Variants in DYRK3 observed in about 807,000 individuals in gnomAD.
DYRK3 encodes the protein dual specificity tyrosine-phosphorylation-regulated kinase 3.
In DYRK3, 30 loss-of-function variants were observed where a neutral mutation model predicts 40.8. The observed-to-expected ratio is 0.74, with a 90% CI of 0.55 to 1.00. The LOEUF (loss-of-function observed/expected upper bound fraction) is 1.00. DYRK3 is among the 50% of genes least tolerant of loss of function. DYRK3 has a pLI of 0.00. For synonymous variants in DYRK3, 272 were observed against 260.7 expected, an observed-to-expected ratio of 1.04 and a Z score of -0.42; for missense variants, 699 against 731.5, an observed-to-expected ratio of 0.96 and a Z score of 0.51.
rs782388724 is a variant in DYRK3, at chr1:206,648,727, G to A, written c.1529G>A (p.Arg510His). 5 of 1,613,918 alleles carry A rather than the reference G, an allele frequency of 3.1e-6. No individual in the cohort carries two copies. Among genetic ancestry groups the A allele is most frequent in the Non-Finnish European group, 3.4e-6 (4 of 1,179,900 alleles). The change falls in exon 3 of 3, where the codon CGC becomes CAC. Residue 510 changes from arginine to histidine, a missense_variant. Transcript: ENST00000367109. Reference sequence around the variant, plus strand: ...TGTCTTCACTGGGACCCCTCTGCCCGCTTGACCCCAGCTCAAGCATTAAGA... The same window carrying A: ...TGTCTTCACTGGGACCCCTCTGCCCACTTGACCCCAGCTCAAGCATTAAGA... Reference protein sequence around the residue: ...KRCLHWDPSARLTPAQALRHP... With the variant: ...KRCLHWDPSAHLTPAQALRHP...
intron 2 of DYRK3, among the ~76,000 whole-genome samples, chr1:206,642,698 G>C (rs1261557019): frequency 6.6e-6 from 1 of 152,040 alleles, no homozygotes; most frequent in African/African-American, 2.4e-5. Flanking sequence ...AACACCACAT[G>C]TTCTCACTCA....
rs1671682127 is a variant in DYRK3 at position 206,653,473 on chromosome 1, G to A, written c.*4508G>A. ...TTAGATTAGAAAGTAAGCTTCAAAT[G>A]GGAGTGTGTCTTCATATTGTTCTGA... On this transcript the variant is annotated 3_prime_UTR_variant, in exon 3 of 3. Coordinates refer to ENST00000367109, the MANE Select transcript of DYRK3 (RefSeq NM_003582.4). 6.6e-6 allele frequency among the ~76,000 whole-genome samples: 1 copy of A among 152,180 alleles called. No homozygotes were observed. The highest frequency in any genetic ancestry group is 2.4e-5 in the African/African-American group (1 of 41,434).
chr1:206,640,226 A>G (rs1671247449), intron 2 of DYRK3, among the ~76,000 whole-genome samples: 1 of 151,862 alleles, frequency 6.6e-6, no homozygotes. Flanking sequence ...GTGAGCCACC[A>G]CGCCTGGCTG....
intron 1 of DYRK3, 121 bp downstream of exon 1, chr1:206,635,901 G>A (rs1051037910): frequency 8.5e-6 from 11 of 1,290,430 alleles, no homozygotes; most frequent in Non-Finnish European, 1.1e-5. Flanking sequence ...GAGGGCAGGG[G>A]TCTGACTGCC....
chr1:206,635,932 T>C, intron 1 of DYRK3, 152 bp downstream of exon 1: 2 of 1,314,038 alleles, frequency 1.5e-6, no homozygotes, highest in Non-Finnish European at 1.9e-6. Flanking sequence ...CGCCCCCACC[T>C]CCTCTCTATC....
intron 1 of DYRK3, chr1:206,637,036 T>C (rs993101573): frequency 3.2e-6 from 4 of 1,232,090 alleles, no homozygotes; most frequent in Middle Eastern, 1.9e-4. Flanking sequence ...ACTGTATTTT[T>C]CTGCAGGTTA....
chr1:206,637,608 C>T (rs782373541), intron 1 of DYRK3, 42 bp from the exon 2 acceptor site: 3 of 1,367,818 alleles, frequency 2.2e-6, no homozygotes, highest in Admixed American at 1.7e-5. Flanking sequence ...ATTCTATATT[C>T]TTCAGTTCCT....
chr1:206,645,320 C>T (rs1465551453), intron 2 of DYRK3, among the ~76,000 whole-genome samples: 1 of 152,092 alleles, frequency 6.6e-6, no homozygotes, highest in Non-Finnish European at 1.5e-5. Context: ...TTAATCTGTT[C>T]CTCTTACTAC....
At position 206,635,876 on chromosome 1, in the gene DYRK3, C is replaced by T. The variant is rs201487874; in HGVS notation, c.77+96C>T. Reference sequence around the variant, plus strand: ...GGGTGGGGAGGAGGTAGAGTGAGCCCTCAGTAGGAGGGACGAGGGCAGGGG... The same window carrying T: ...GGGTGGGGAGGAGGTAGAGTGAGCCTTCAGTAGGAGGGACGAGGGCAGGGG... On this transcript the variant is annotated intron_variant, in intron 1 of 2. Coordinates refer to ENST00000367109, the MANE Select transcript of DYRK3 (RefSeq NM_003582.4). The T allele has an allele frequency of 4.0e-6, 5 of 1,250,982 alleles. 1 individual carries two copies. In the South Asian group the frequency reaches 1.7e-4, roughly 42 times the overall value. 77.5% of individuals were successfully genotyped at this position (1,250,982 alleles called of 1,614,324 possible). A position where few individuals can be genotyped will look rare whatever the true frequency, so the allele number is the denominator to read the frequency against.
intron 2 of DYRK3, 67 bp from the exon 3 acceptor site, chr1:206,647,321 G>C: frequency 4.2e-6 from 6 of 1,439,428 alleles, no homozygotes; most frequent in Non-Finnish European, 5.6e-6. Flanking sequence ...TTATTCAGTT[G>C]GAGGAGGGAG....
chr1:206,653,352 C>G lies in DYRK3; in HGVS notation c.*4387C>G, dbSNP rs541427654. On this transcript the variant is annotated 3_prime_UTR_variant, in exon 3 of 3. Coordinates refer to ENST00000367109, the MANE Select transcript of DYRK3 (RefSeq NM_003582.4). ...CTTTCAATATGGAAAATTGGCTAAT[C>G]CACCTAATACCTGCTCATCTTCTAG... Among the ~76,000 whole-genome samples the G allele has an allele frequency of 2.6e-5, 4 of 152,124 alleles. No individual in the cohort carries two copies. The highest frequency in any genetic ancestry group is 4.4e-5 in the Non-Finnish European group (3 of 68,038).
At chr1:206,644,831 C>T (rs573873693) in intron 2 of DYRK3, among the ~76,000 whole-genome samples, 57 of 152,324 alleles carry the variant, frequency 3.7e-4, no homozygotes, top group Non-Finnish European at 6.5e-4. Context: ...TGAGCCACCA[C>T]GGCTGGCCAA....
chr1:206,648,609 A>G lies in DYRK3; in HGVS notation c.1411A>G (p.Arg471Gly). 6.2e-7 allele frequency: 1 copy of G among 1,613,888 alleles called. No individual in the cohort carries two copies. Among genetic ancestry groups the G allele is most frequent in the South Asian group, 1.1e-5 (1 of 91,070 alleles). ...RVVLVGGRSR[R>G]GKKRGPPGSK... is the part of the protein sequence containing the mutation. ...TGTGCTTGTGGGGGGTCGCTCACGT[A>G]GGGGTAAAAAGCGGGGTCCCCCAGG... Residue 471 changes from arginine (R) to glycine (G), a missense_variant, in exon 3 of 3, where the codon AGG becomes GGG. Coordinates refer to ENST00000367109, the MANE Select transcript of DYRK3 (RefSeq NM_003582.4).
chr1:206,642,289 G>C (rs7526006), intron 2 of DYRK3, among the ~76,000 whole-genome samples: 2,434 of 150,500 alleles, frequency 0.016, 229 homozygotes, highest in African/African-American at 0.056. Flanking sequence ...ACAGGTGCTG[G>C]AGAGGATGTG....
chr1:206,645,903 T>A (rs1218272981), intron 2 of DYRK3, among the ~76,000 whole-genome samples: 2 of 151,838 alleles, frequency 1.3e-5, no homozygotes, highest in Admixed American at 6.6e-5. Flanking sequence ...CAGGCTGGAG[T>A]GCAGTGGCAT....
In DYRK3 at chr1:206,647,682, A is replaced by G. The variant is rs1448000371; in HGVS notation, c.484A>G (p.Ile162Val). Residue 162 changes from isoleucine to valine, a missense_variant, in exon 3 of 3, where the codon ATA becomes GTA. Transcript: ENST00000367109. ...HHLTAYEKLE[I>V]INYPEIYFVG... Reference sequence around the variant, plus strand: ...CCTCACTGCCTATGAGAAACTGGAAATAATTAATTATCCAGAAATTTACTT... The same window carrying G: ...CCTCACTGCCTATGAGAAACTGGAAGTAATTAATTATCCAGAAATTTACTT... 2 of 1,614,128 alleles carry G rather than the reference A, an allele frequency of 1.2e-6. No individual in the cohort carries two copies. Among genetic ancestry groups the G allele is most frequent in the East Asian group, 2.2e-5 (1 of 44,896 alleles).
At chr1:206,645,899 G>A (rs2102340195) in intron 2 of DYRK3, among the ~76,000 whole-genome samples, 1 of 151,918 alleles carries the variant, frequency 6.6e-6, no homozygotes, top group South Asian at 2.1e-4. Context: ...CGCTCAGGCT[G>A]GAGTGCAGTG....
At chr1:206,642,744 G>T (rs993524818) in intron 2 of DYRK3, among the ~76,000 whole-genome samples, 5 of 151,912 alleles carry the variant, frequency 3.3e-5, no homozygotes, top group African/African-American at 1.2e-4. Context: ...ACTTGGACAC[G>T]GTGGGGAACA....
rs1479106598 is a variant in DYRK3, at chr1:206,637,858, G to A, written c.189+97G>A. 6.7e-6 allele frequency: 6 copies of A among 902,092 alleles called. No individual in the cohort carries two copies. In the East Asian group the frequency reaches 1.6e-4, roughly 24 times the overall value. 55.9% of individuals were successfully genotyped at this position (902,092 alleles called of 1,614,324 possible). ...TACACTTATGTATCACTGACAACCA[G>A]ACTTTTTTTTGGTTTATTTTTGATT... is the stretch of plus-strand genomic sequence containing the variant. On this transcript the variant is annotated intron_variant, in intron 2 of 2. Coordinates refer to ENST00000367109, the MANE Select transcript of DYRK3 (RefSeq NM_003582.4).
Sources: gnomAD v4.1 joint callset for allele counts (sites outside exome capture counted in the v4.1 genomes callset) on GRCh38, gnomAD v4.1.1 for gene constraint, MANE v1.5 for transcripts, NCBI Gene and HGNC (gene_info 2026-07-23, HGNC 2026-07-21) for gene names.